Variants in MINPP1 observed in about 807,000 individuals in gnomAD.
The protein encoded by MINPP1 is multiple inositol polyphosphate phosphatase 1.
Under a neutral mutation model 46.1 loss-of-function variants are expected in MINPP1, and 28 were observed. The ratio of observed to expected loss-of-function variants is 0.61; its 90% CI spans 0.45 to 0.83. MINPP1 has a LOEUF of 0.83. Ranked by LOEUF, MINPP1 falls within the 40% of genes least tolerant of loss-of-function variation. MINPP1 has a pLI of 0.00. For missense variants in MINPP1, 603 were observed against 610.0 expected, an observed-to-expected ratio of 0.99 and a Z score of 0.12; for synonymous variants, 268 against 249.1, an observed-to-expected ratio of 1.08 and a Z score of -0.72.
Position 87,552,591 on chromosome 10 carries a change from T to A in MINPP1, c.*113T>A. 9.1e-7 allele frequency: 1 copy of A among 1,098,822 alleles called. No individual in the cohort carries two copies. The highest frequency in any genetic ancestry group is 1.3e-6 in the Non-Finnish European group (1 of 749,328). 68.1% of individuals were successfully genotyped at this position (1,098,822 alleles called of 1,614,324 possible). The stretch of plus-strand genomic sequence containing the variant: ...AGCTTTTATATTACTTGAGTATTTC[T>A]GTCTTTTCACAGAAAAACATTGGGT... On this transcript the variant is annotated 3_prime_UTR_variant, in exon 5 of 5. Transcript: ENST00000371996.
Position 87,552,539 on chromosome 10 carries a change from TAGGTAGG to T in MINPP1, c.*62_*68del. On this transcript the variant is annotated 3_prime_UTR_variant, in exon 5 of 5. Transcript: ENST00000371996. ...GCAATGAGTGATTACATGCTTGTAA[TAGGTAGG>T]CAATTCCTTGATTACAGGAAGCTTT... The T allele has an allele frequency of 6.6e-7, 1 of 1,519,298 alleles. No homozygotes were observed. The highest frequency in any genetic ancestry group is 9.0e-7 in the Non-Finnish European group (1 of 1,105,350). 94.1% of individuals were successfully genotyped at this position (1,519,298 alleles called of 1,614,324 possible). A position where few individuals can be genotyped will look rare whatever the true frequency, so the allele number is the denominator to read the frequency against.
intron 4 of MINPP1, among the ~76,000 whole-genome samples, chr10:87,531,982 C>T (rs1056043365): frequency 5.9e-5 from 9 of 152,260 alleles, no homozygotes; most frequent in Non-Finnish European, 1.3e-4. Context: ...TGAGATAATA[C>T]TTATTAAAGC....
intron 4 of MINPP1, among the ~76,000 whole-genome samples, chr10:87,529,518 G>A (rs1210316795): frequency 2.0e-5 from 3 of 151,974 alleles, no homozygotes; most frequent in Admixed American, 6.6e-5. Flanking sequence ...CTTTAAGAAG[G>A]TAGAATATTG....
chr10:87,515,501 AAAG>A (rs1350534795), intron 3 of MINPP1, among the ~76,000 whole-genome samples: 11 of 152,334 alleles, frequency 7.2e-5, no homozygotes, highest in African/African-American at 2.4e-4. Context: ...TTACATGTGA[AAAG>A]AAATTAAATT....
At chr10:87,541,769 A>G (rs1290962119) in intron 4 of MINPP1, among the ~76,000 whole-genome samples, 1 of 152,184 alleles carries the variant, frequency 6.6e-6, no homozygotes, top group African/African-American at 2.4e-5. Flanking sequence ...GAGAGAAGGA[A>G]GAGGTCCCAG....
chr10:87,521,282 T>G, intron 4 of MINPP1, 113 bp downstream of exon 4: 1 of 809,478 alleles, frequency 1.2e-6, no homozygotes, highest in South Asian at 1.6e-5. Flanking sequence ...TTTAAAAAAA[T>G]TTTAATATAA....
chr10:87,542,903 A>G (rs959564694), intron 4 of MINPP1, among the ~76,000 whole-genome samples: 2 of 152,220 alleles, frequency 1.3e-5, no homozygotes. Context: ...GAACTGGGTA[A>G]AAGGCAAAGG....
intron 4 of MINPP1, among the ~76,000 whole-genome samples, chr10:87,544,164 C>T (rs1221359441): frequency 1.3e-5 from 2 of 152,218 alleles, no homozygotes; most frequent in Admixed American, 1.3e-4. Flanking sequence ...TTGGGGTTTT[C>T]ACAGCCCCCT....
intron 3 of MINPP1, among the ~76,000 whole-genome samples, chr10:87,519,947 G>A (rs972780055): frequency 1.3e-5 from 2 of 152,000 alleles, no homozygotes; most frequent in Non-Finnish European, 2.9e-5. Context: ...ACCAGCTCCC[G>A]GTTCCAGACC....
At position 87,508,478 on chromosome 10, in the gene MINPP1, C is replaced by T. The variant is rs1851287963; in HGVS notation, c.780C>T (p.Asn260=). 1 of 1,613,716 alleles carries T rather than the reference C, an allele frequency of 6.2e-7. No homozygotes were observed. Among genetic ancestry groups the T allele is most frequent in the African/African-American group, 1.3e-5 (1 of 75,002 alleles). ...TCAAAACTGGACCAGAAATGCAGAA[C>T]ATTTTAAAAAAAGTTGCAGCTACTT... is the stretch of plus-strand genomic sequence containing the variant. ...EAFKTGPEMQ[N]ILKKVAATLQ... The change falls in exon 2 of 5, where the codon AAC becomes AAT. Residue 260 remains asparagine, a synonymous_variant. Coordinates refer to ENST00000371996, the MANE Select transcript of MINPP1 (RefSeq NM_004897.5).
chr10:87,508,080 T>C, intron 1 of MINPP1: 9 of 1,475,586 alleles, frequency 6.1e-6, no homozygotes, highest in Non-Finnish European at 8.0e-6. Flanking sequence ...GCAATTTCAT[T>C]GCGTAGCATC....
At position 87,518,323 on chromosome 10, in the gene MINPP1, G is replaced by A. The variant is rs1005946894; in HGVS notation, c.934-2713G>A. On this transcript the variant is annotated intron_variant, in intron 3 of 4. Transcript: ENST00000371996. ...GTGAGAATTTTTTAAATCTCCAGTT[G>A]CCTCCTTTTTATTTCTAATAGTAGA... Among the ~76,000 whole-genome samples, 17 of 151,576 alleles carry A rather than the reference G, an allele frequency of 1.1e-4. No homozygotes were observed. The South Asian group carries it at 1.7e-3, about 15-fold the overall frequency.
chr10:87,536,919 G>A (rs11202437), intron 4 of MINPP1, among the ~76,000 whole-genome samples: 56,301 of 151,934 alleles, frequency 0.37, 11,376 homozygotes, highest in Non-Finnish European at 0.46. Flanking sequence ...GAATGGTTGA[G>A]TCTTAAGTAG....
intron 1 of MINPP1, chr10:87,508,113 A>C: frequency 6.6e-7 from 1 of 1,519,612 alleles, no homozygotes; most frequent in Non-Finnish European, 8.8e-7. Flanking sequence ...TTAATCTTCA[A>C]TCTCTATTTC....
At chr10:87,524,615 T>C (rs1368892390) in intron 4 of MINPP1, among the ~76,000 whole-genome samples, 2 of 152,248 alleles carry the variant, frequency 1.3e-5, no homozygotes, top group Non-Finnish European at 1.5e-5. Flanking sequence ...AGCTTAATCA[T>C]ATCTAGCTTT....
At chr10:87,516,594 G>A (rs1851415363) in intron 3 of MINPP1, among the ~76,000 whole-genome samples, 1 of 104,754 alleles carries the variant, frequency 9.5e-6, no homozygotes, top group Non-Finnish European at 2.5e-5. Flanking sequence ...CATGAAAGGT[G>A]TAGTGGGGCA....
Position 87,535,392 on chromosome 10 carries a change from T to C in MINPP1, c.1067+14223T>C, listed in dbSNP as rs7097050. Reference sequence around the variant, plus strand: ...TACTACTATGCTTTACACAATTAAGTATTTTATTAATTGTTATTAATACCA... The same window carrying C: ...TACTACTATGCTTTACACAATTAAGCATTTTATTAATTGTTATTAATACCA... On this transcript the variant is annotated intron_variant, in intron 4 of 4. Coordinates refer to ENST00000371996, the MANE Select transcript of MINPP1 (RefSeq NM_004897.5). Among the ~76,000 whole-genome samples the C allele has an allele frequency of 8.1e-3, 1,241 of 152,334 alleles. 27 individuals are homozygous for C. Among genetic ancestry groups the C allele is most frequent in the African/African-American group, 0.029 (1,198 of 41,572 alleles).
At chr10:87,530,147 G>A (rs987873874) in intron 4 of MINPP1, among the ~76,000 whole-genome samples, 9 of 152,066 alleles carry the variant, frequency 5.9e-5, no homozygotes, top group Non-Finnish European at 1.2e-4. Flanking sequence ...TGATGGGTTC[G>A]AACATCCTCC....
chr10:87,532,464 GAC>G (rs1167569901), intron 4 of MINPP1, among the ~76,000 whole-genome samples: 7 of 152,230 alleles, frequency 4.6e-5, no homozygotes, highest in African/African-American at 1.7e-4. Flanking sequence ...GACCCTTTAA[GAC>G]AGGAAATCGT....
Sources: gnomAD v4.1 joint callset for allele counts (sites outside exome capture counted in the v4.1 genomes callset) on GRCh38, gnomAD v4.1.1 for gene constraint, MANE v1.5 for transcripts, NCBI Gene and HGNC (gene_info 2026-07-23, HGNC 2026-07-21) for gene names.